Variants in SLC9A9 observed in about 807,000 individuals in gnomAD.
SLC9A9 encodes solute carrier family 9 member A9.
Under a neutral mutation model 77.8 loss-of-function variants are expected in SLC9A9, and 62 were observed. The ratio of observed to expected loss-of-function variants is 0.80; its 90% CI spans 0.65 to 0.98. The LOEUF (loss-of-function observed/expected upper bound fraction) is 0.98. SLC9A9 is among the 50% of genes least tolerant of loss of function. The pLI is 0.00. For missense variants in SLC9A9, 775 were observed against 774.9 expected, an observed-to-expected ratio of 1.00 and a Z score of 0.00; for synonymous variants, 320 against 283.5, an observed-to-expected ratio of 1.13 and a Z score of -1.29.
At chr3:143,531,160 TA>T (rs1401281521) in intron 9 of SLC9A9, among the ~76,000 whole-genome samples, 2 of 152,238 alleles carry the variant, frequency 1.3e-5, no homozygotes, top group African/African-American at 4.8e-5. Context: ...TGCCATGAAA[TA>T]GAAGCTATCA....
At chr3:143,333,573 G>A (rs531555404) in intron 14 of SLC9A9, among the ~76,000 whole-genome samples, 13 of 152,276 alleles carry the variant, frequency 8.5e-5, no homozygotes, top group African/African-American at 3.1e-4. Context: ...CTGACCTGGG[G>A]GATAGACCAC....
intron 5 of SLC9A9, among the ~76,000 whole-genome samples, chr3:143,689,133 A>G (rs919522266): frequency 1.3e-5 from 2 of 152,132 alleles, no homozygotes; most frequent in African/African-American, 4.8e-5. Context: ...ACTGTGAAGA[A>G]CAAGTATTGT....
At chr3:143,371,792 G>T (rs1029099262) in intron 13 of SLC9A9, among the ~76,000 whole-genome samples, 3 of 152,104 alleles carry the variant, frequency 2.0e-5, no homozygotes, top group Non-Finnish European at 4.4e-5. Flanking sequence ...TGTTCACTGA[G>T]GATATGATTG....
At chr3:143,295,420 C>A (rs75557482) in intron 14 of SLC9A9, among the ~76,000 whole-genome samples, 3,805 of 152,264 alleles carry the variant, frequency 0.025, 153 homozygotes, top group African/African-American at 0.087. Context: ...AAGAACGTGC[C>A]GTTCCAGTAA....
chr3:143,561,525 G>A (rs917698141), intron 8 of SLC9A9, among the ~76,000 whole-genome samples: 2 of 152,148 alleles, frequency 1.3e-5, no homozygotes, highest in East Asian at 3.9e-4. Context: ...CACGGTAAGA[G>A]TAGGGTCCAC....
chr3:143,364,073 T>G lies in SLC9A9; in HGVS notation c.1525-510A>C, dbSNP rs192715560. Among the ~76,000 whole-genome samples the G allele has an allele frequency of 3.3e-5, 5 of 152,298 alleles. No individual in the cohort carries two copies. In the East Asian group the frequency reaches 9.6e-4, roughly 29 times the overall value. On this transcript the variant is annotated intron_variant, in intron 13 of 15. Transcript: ENST00000316549. Reference sequence around the variant, plus strand: ...AGAGTTTTGAAATAGATATTCCTGATAAGAAGATTGCAACAATTGAATGTG... The same window carrying G: ...AGAGTTTTGAAATAGATATTCCTGAGAAGAAGATTGCAACAATTGAATGTG...
chr3:143,781,155 G>A (rs1032753863), intron 4 of SLC9A9, among the ~76,000 whole-genome samples: 1 of 152,096 alleles, frequency 6.6e-6, no homozygotes, highest in African/African-American at 2.4e-5. Flanking sequence ...GTTTACATTA[G>A]GGTTCACTAT....
chr3:143,451,932 A>G (rs918155038), intron 12 of SLC9A9, among the ~76,000 whole-genome samples: 1 of 152,138 alleles, frequency 6.6e-6, no homozygotes, highest in African/African-American at 2.4e-5. Context: ...ATTACAAAAA[A>G]TTACACTGGG....
intron 2 of SLC9A9, 45 bp from the exon 3 acceptor site, chr3:143,796,948 G>T: frequency 6.9e-7 from 1 of 1,454,898 alleles, no homozygotes; most frequent in Non-Finnish European, 9.6e-7. Context: ...TGCTCCTTTG[G>T]GTCATTAAAA....
intron 14 of SLC9A9, among the ~76,000 whole-genome samples, chr3:143,321,036 A>G (rs998185776): frequency 1.3e-5 from 2 of 152,216 alleles, no homozygotes; most frequent in African/African-American, 4.8e-5. Flanking sequence ...AGAGGCAAGG[A>G]AAGATTCTTC....
At chr3:143,784,865 A>G (rs1308540303) in intron 4 of SLC9A9, among the ~76,000 whole-genome samples, 1 of 152,192 alleles carries the variant, frequency 6.6e-6, no homozygotes, top group Non-Finnish European at 1.5e-5. Context: ...ATAAGCCCTC[A>G]TGAGTGAGAT....
At chr3:143,725,591 A>G (rs1163190371) in intron 4 of SLC9A9, among the ~76,000 whole-genome samples, 46 of 142,260 alleles carry the variant, frequency 3.2e-4, no homozygotes, top group Admixed American at 1.0e-3. Flanking sequence ...TTGTAGGGAC[A>G]TGGATGAAAT....
chr3:143,293,257 A>G (rs889058583), intron 14 of SLC9A9, among the ~76,000 whole-genome samples: 1 of 152,182 alleles, frequency 6.6e-6, no homozygotes, highest in East Asian at 1.9e-4. Context: ...TCAATGACCT[A>G]CTTGTATGCA....
chr3:143,288,795 G>C (rs559793370), intron 14 of SLC9A9, among the ~76,000 whole-genome samples: 2 of 152,286 alleles, frequency 1.3e-5, no homozygotes, highest in East Asian at 3.9e-4. Flanking sequence ...AAAACTTGAG[G>C]CCAAGGACAT....
intron 13 of SLC9A9, 57 bp downstream of exon 13, chr3:143,382,003 C>T: frequency 6.3e-7 from 1 of 1,594,730 alleles, no homozygotes. Context: ...CATGGAACAG[C>T]CTATGGAACA....
chr3:143,750,029 G>T (rs528994720), intron 4 of SLC9A9, among the ~76,000 whole-genome samples: 2 of 152,166 alleles, frequency 1.3e-5, no homozygotes, highest in Non-Finnish European at 2.9e-5. Flanking sequence ...CCTTATTTGC[G>T]AATAGGTTTA....
At chr3:143,657,645 T>G (rs1478925676) in intron 5 of SLC9A9, among the ~76,000 whole-genome samples, 4 of 152,246 alleles carry the variant, frequency 2.6e-5, no homozygotes, top group African/African-American at 9.6e-5. Context: ...AGAAGCAAGA[T>G]ATGAGAATCC....
intron 14 of SLC9A9, among the ~76,000 whole-genome samples, chr3:143,319,852 G>C (rs981369521): frequency 2.6e-5 from 4 of 152,230 alleles, no homozygotes; most frequent in African/African-American, 4.8e-5. Flanking sequence ...GTCAAGGTCT[G>C]GTGGGACTAG....
intron 4 of SLC9A9, among the ~76,000 whole-genome samples, chr3:143,780,854 C>A (rs183658758): frequency 6.6e-6 from 1 of 152,138 alleles, no homozygotes; most frequent in East Asian, 1.9e-4. Flanking sequence ...CTGGTATATA[C>A]TATTTGCTGT....
Sources: allele counts gnomAD v4.1 joint callset (sites outside exome capture counted in the v4.1 genomes callset), GRCh38; gene constraint gnomAD v4.1.1; transcripts MANE v1.5; gene names NCBI Gene and HGNC (gene_info 2026-07-23, HGNC 2026-07-21).